The following BCAS3 variants were observed in gnomAD, a reference collection of about 807,000 sequenced individuals.
The protein encoded by BCAS3 is BCAS3 microtubule associated cell migration factor.
Under a neutral mutation model 116.1 loss-of-function variants are expected in BCAS3, and 53 were observed. The ratio of observed to expected loss-of-function variants is 0.46; its 90% CI spans 0.37 to 0.57. The LOEUF (loss-of-function observed/expected upper bound fraction) is 0.57. Ranked by LOEUF, BCAS3 falls within the 20% of genes least tolerant of loss-of-function variation. The pLI is 0.00. For missense variants in BCAS3, 917 were observed against 1,165.4 expected, an observed-to-expected ratio of 0.79 and a Z score of 3.10; for synonymous variants, 391 against 408.2, an observed-to-expected ratio of 0.96 and a Z score of 0.51.
rs983389218 is a variant in BCAS3 at position 61,228,245 on chromosome 17, C to A, written c.2426-140082C>A. On this transcript the variant is annotated intron_variant, in intron 22 of 23. Transcript: ENST00000407086. The surrounding 1 kb of genome is among the most constrained non-coding windows in gnomAD (Gnocchi z 5.0). ...TTCTTTATTATTTTGCTTTGAGATT[C>A]TCCTAAGCCCCAGCTGAGAAATTAT... Among the ~76,000 whole-genome samples the A allele has an allele frequency of 1.3e-5, 2 of 152,140 alleles. No homozygotes were observed. Among genetic ancestry groups the A allele is most frequent in the African/African-American group, 4.8e-5 (2 of 41,426 alleles).
chr17:60,944,886 GTTATAC>G (rs530808160), intron 13 of BCAS3, among the ~76,000 whole-genome samples: 23 of 152,228 alleles, frequency 1.5e-4, no homozygotes, highest in Middle Eastern at 3.4e-3. Context: ...TATACATAAT[GTTATAC>G]TTAAAGATTG....
intron 6 of BCAS3, among the ~76,000 whole-genome samples, chr17:60,801,226 T>G (rs536882315): frequency 6.6e-6 from 1 of 152,314 alleles, no homozygotes; most frequent in Non-Finnish European, 1.5e-5. Context: ...TGTACATGTT[T>G]AATCAATTTA....
intron 19 of BCAS3, among the ~76,000 whole-genome samples, chr17:61,047,163 A>G (rs2068432555): frequency 6.6e-6 from 1 of 151,962 alleles, no homozygotes; most frequent in African/African-American, 2.4e-5. Context: ...AATTGAATGG[A>G]ATGACCAAAA....
At chr17:61,185,064 C>G (rs77244567) in intron 22 of BCAS3, among the ~76,000 whole-genome samples, 2 of 151,874 alleles carry the variant, frequency 1.3e-5, no homozygotes, top group East Asian at 3.9e-4. Flanking sequence ...AGTCTCAACA[C>G]TTAAAATGGG....
Position 61,012,627 on chromosome 17 carries a change from G to A in BCAS3, c.1487-3124G>A, listed in dbSNP as rs912880744. 2.0e-5 allele frequency among the ~76,000 whole-genome samples: 3 copies of A among 152,004 alleles called. No individual in the cohort carries two copies. Among genetic ancestry groups the A allele is most frequent in the Non-Finnish European group, 4.4e-5 (3 of 67,940 alleles). On this transcript the variant is annotated intron_variant, in intron 15 of 23. Transcript: ENST00000407086. The surrounding 1 kb of genome is among the most constrained non-coding windows in gnomAD (Gnocchi z 4.5). ...CACCCCTACGAACATAAACATGAAT[G>A]TAAAACCTACACAACTTACTTTGCT...
intron 16 of BCAS3, among the ~76,000 whole-genome samples, chr17:61,022,288 A>G (rs1400329199): frequency 1.3e-5 from 2 of 152,046 alleles, no homozygotes; most frequent in African/African-American, 4.8e-5. Context: ...CTCGCTCTGT[A>G]GCCCAGGCTG....
At chr17:60,894,730 G>A (rs949573616) in intron 10 of BCAS3, among the ~76,000 whole-genome samples, 1 of 152,172 alleles carries the variant, frequency 6.6e-6, no homozygotes, top group South Asian at 2.1e-4. Flanking sequence ...ATTATTTTGA[G>A]ATAATTTCCT....
At chr17:60,735,371 CTT>C (rs1735882855) in intron 5 of BCAS3, among the ~76,000 whole-genome samples, 1 of 145,182 alleles carries the variant, frequency 6.9e-6, no homozygotes, top group Non-Finnish European at 1.5e-5. Context: ...AGGGGACATC[CTT>C]ACCTTGTTCC....
chr17:60,834,015 G>T (rs1317516171), intron 7 of BCAS3, among the ~76,000 whole-genome samples: 1 of 144,854 alleles, frequency 6.9e-6, no homozygotes. Flanking sequence ...TCATTAGAAG[G>T]ATTTAAATCA....
rs1016134572 is a variant in BCAS3 at position 61,034,102 on chromosome 17, T to G, written c.1638-564T>G. ...TATAATTGCATTAGATGATTAGCTA[T>G]TCTTCCCTTGCACTGTCTAACTCTC... is the stretch of plus-strand genomic sequence containing the variant. On this transcript the variant is annotated intron_variant, in intron 16 of 23. Transcript: ENST00000407086. This position sits in a 1 kb window ranked among gnomAD's most constrained non-coding sequence, Gnocchi z 5.0. 2.1e-4 allele frequency among the ~76,000 whole-genome samples: 32 copies of G among 152,220 alleles called. 1 individual carries two copies. The highest frequency in any genetic ancestry group is 7.0e-4 in the African/African-American group (29 of 41,456).
chr17:60,938,165 G>C (rs368617550), intron 13 of BCAS3, among the ~76,000 whole-genome samples: 1 of 152,146 alleles, frequency 6.6e-6, no homozygotes, highest in East Asian at 1.9e-4. Context: ...AAGTGCTGGA[G>C]TTACAGGCGT....
intron 22 of BCAS3, among the ~76,000 whole-genome samples, chr17:61,223,151 CTTTTTTTT>C (rs34499099): frequency 2.5e-5 from 2 of 79,064 alleles, no homozygotes; most frequent in South Asian, 5.7e-4. Flanking sequence ...GATGCAGCGC[CTTTTTTTT>C]TTTTTTTTTT....
At chr17:60,836,120 C>T (rs1218608067) in intron 7 of BCAS3, among the ~76,000 whole-genome samples, 1 of 152,080 alleles carries the variant, frequency 6.6e-6, no homozygotes, top group East Asian at 1.9e-4. Context: ...TAGCCTCTGC[C>T]ATTATCAACA....
In BCAS3 at chr17:61,376,023, C is replaced by T. The variant is rs551987126; in HGVS notation, c.2593+7529C>T. On this transcript the variant is annotated intron_variant, in intron 23 of 23. Transcript: ENST00000407086. This position sits in a 1 kb window ranked among gnomAD's most constrained non-coding sequence, Gnocchi z 4.5. ...GTGGTGGTTAGAATTTTCTGCATCC[C>T]ACATATTTTTAAAATCTGCAATTTA... Among the ~76,000 whole-genome samples, 223 of 152,250 alleles carry T rather than the reference C, an allele frequency of 1.5e-3. 1 individual carries two copies. The highest frequency in any genetic ancestry group is 5.2e-3 in the African/African-American group (216 of 41,524).
chr17:60,934,674 T>A (rs573221540), intron 13 of BCAS3, among the ~76,000 whole-genome samples: 139 of 152,354 alleles, frequency 9.1e-4, no homozygotes, highest in African/African-American at 3.2e-3. Flanking sequence ...CTATTCTTAT[T>A]CAGATTGGCC....
rs2076040192 is a variant in BCAS3 at position 61,126,246 on chromosome 17, G to A, written c.2425+41682G>A. On this transcript the variant is annotated intron_variant, in intron 22 of 23. Transcript: ENST00000407086. This position sits in a 1 kb window ranked among gnomAD's most constrained non-coding sequence, Gnocchi z 4.6. ...TCATTAGAATTGTGTGTGCGTTGTG[G>A]CATGTGGGTACATCAGAAGTATATT... 6.6e-6 allele frequency among the ~76,000 whole-genome samples: 1 copy of A among 152,096 alleles called. No homozygotes were observed. The highest frequency in any genetic ancestry group is 2.1e-4 in the South Asian group (1 of 4,830).
chr17:60,941,173 CCTAAACAG>C (rs1444646717), intron 13 of BCAS3, among the ~76,000 whole-genome samples: 2 of 152,166 alleles, frequency 1.3e-5, no homozygotes, highest in Non-Finnish European at 2.9e-5. Context: ...TACAGAAGTG[CCTAAACAG>C]CTAATCACTC....
chr17:60,940,977 G>A (rs2060191443), intron 13 of BCAS3, among the ~76,000 whole-genome samples: 1 of 152,206 alleles, frequency 6.6e-6, no homozygotes, highest in Non-Finnish European at 1.5e-5. Context: ...TTAACCAGCT[G>A]ACGCCCAGTT....
chr17:61,065,608 GA>G lies in BCAS3; in HGVS notation c.2030-9307del, dbSNP rs1001481679. ...GTTCCTCTAAATAACCTAAACGACT[GA>G]AAAATGCTGGCACAACATTATTCAT... On this transcript the variant is annotated intron_variant, in intron 19 of 23. Coordinates refer to ENST00000407086, the MANE Select transcript of BCAS3 (RefSeq NM_017679.5). This position sits in a 1 kb window ranked among gnomAD's most constrained non-coding sequence, Gnocchi z 4.8. 1.3e-5 allele frequency among the ~76,000 whole-genome samples: 2 copies of G among 152,148 alleles called. No individual in the cohort carries two copies. Among genetic ancestry groups the G allele is most frequent in the African/African-American group, 2.4e-5 (1 of 41,430 alleles).
Sources: gnomAD v4.1 joint callset for allele counts (sites outside exome capture counted in the v4.1 genomes callset) on GRCh38, gnomAD v4.1.1 for gene constraint, Gnocchi (gnomAD v3.1) non-coding constraint, MANE v1.5 for transcripts, NCBI Gene and HGNC (gene_info 2026-07-23, HGNC 2026-07-21) for gene names.